Variants in RPGRIP1L observed in about 807,000 individuals in gnomAD.
The protein encoded by RPGRIP1L is protein fantom.
Under a neutral mutation model 160.4 loss-of-function variants are expected in RPGRIP1L, and 131 were observed. The ratio of observed to expected loss-of-function variants is 0.82; its 90% CI spans 0.71 to 0.94. The LOEUF is 0.94. Among genes scored for constraint, RPGRIP1L ranks in the 40% least tolerant of loss-of-function variants. The probability of loss-of-function intolerance (pLI) is 0.00; values close to 1 mark genes in which losing one functional copy is unlikely to be tolerated. For missense variants in RPGRIP1L, 1,522 were observed against 1,535.8 expected (o/e 0.99, Z 0.15); for synonymous variants, 510 against 515.8 (o/e 0.99, Z 0.15).
At chr16:53,688,233 A>C (rs749725299) in intron 4 of RPGRIP1L, among the ~76,000 whole-genome samples, 34 of 152,036 alleles carry the variant, frequency 2.2e-4, no homozygotes, top group Middle Eastern at 3.2e-3. Context: ...TATTCAACTT[A>C]AGATTTAGAC....
chr16:53,619,304 C>T (rs891431466), intron 23 of RPGRIP1L, 96 bp from the exon 24 acceptor site: 30 of 1,144,404 alleles, frequency 2.6e-5, no homozygotes, highest in Admixed American at 5.4e-5. Flanking sequence ...AAATAAAACA[C>T]GAAGGCCAAT....
rs1323824759 is a variant in RPGRIP1L at position 53,601,372 on chromosome 16, A to C, written c.*704T>G. ...CTTTTTATATATACATCCCTGGGTCACCATTACAAATGTATGAAAATAATA... is the reference window on the plus strand; with the variant it reads ...CTTTTTATATATACATCCCTGGGTCCCCATTACAAATGTATGAAAATAATA... On this transcript the variant is annotated 3_prime_UTR_variant, in exon 27 of 27. Transcript: ENST00000647211. The C allele has an allele frequency of 6.6e-6, 1 of 152,538 alleles. No individual in the cohort carries two copies. Among genetic ancestry groups the C allele is most frequent in the Admixed American group, 6.5e-5 (1 of 15,278 alleles). The allele number at this position is 152,538 out of a possible 1,614,324, so 9.4% of individuals were successfully genotyped here. A position where few individuals can be genotyped will look rare whatever the true frequency, so the allele number is the denominator to read the frequency against.
chr16:53,637,925 C>CAGTTGAATAATAAATTGAATAATAA, intron 20 of RPGRIP1L, 71 bp from the exon 21 acceptor site: 3 of 1,450,334 alleles, frequency 2.1e-6, no homozygotes, highest in Non-Finnish European at 2.9e-6. Context: ...ATTGCTGGAA[C>CAGTTGAATAATAAATTGAATAATAA]AGTTGAATAA....
chr16:53,663,077 T>C (rs917063227), intron 10 of RPGRIP1L, among the ~76,000 whole-genome samples: 2 of 151,920 alleles, frequency 1.3e-5, no homozygotes, highest in African/African-American at 2.4e-5. Context: ...TGAAAGGACA[T>C]AAATCAAATA....
chr16:53,640,886 C>A, intron 19 of RPGRIP1L, 147 bp downstream of exon 19: 2 of 708,852 alleles, frequency 2.8e-6, no homozygotes, highest in South Asian at 1.6e-5. Context: ...ATATATAGTG[C>A]CGAAACACAA....
intron 22 of RPGRIP1L, among the ~76,000 whole-genome samples, chr16:53,625,522 G>A (rs1302048590): frequency 6.7e-6 from 1 of 148,484 alleles, no homozygotes; most frequent in Non-Finnish European, 1.5e-5. Context: ...TAGGGGGTGA[G>A]GGGGGGGCGC....
chr16:53,652,408 TA>T, intron 15 of RPGRIP1L, 126 bp downstream of exon 15: 1 of 751,492 alleles, frequency 1.3e-6, no homozygotes, highest in Non-Finnish European at 2.3e-6. Flanking sequence ...TAACTGTGGG[TA>T]AAGAATGTTG....
Position 53,605,622 on chromosome 16 carries a change from G to A in RPGRIP1L, c.3702-8C>T. 6.2e-7 allele frequency: 1 copy of A among 1,613,834 alleles called. No homozygotes were observed. Among genetic ancestry groups the A allele is most frequent in the Non-Finnish European group, 8.5e-7 (1 of 1,180,008 alleles). On this transcript the variant is annotated splice_region_variant and splice_polypyrimidine_tract_variant and intron_variant, in intron 25 of 26. Coordinates refer to ENST00000647211, the MANE Select transcript of RPGRIP1L (RefSeq NM_015272.5). ...ACCACGGTGAAGCGAAGGCTGGTAA[G>A]GCAGAGATCAGAGAAAGTCACCACC...
chr16:53,659,939 C>T (rs1237906443), intron 10 of RPGRIP1L: 1 of 151,888 alleles, frequency 6.6e-6, no homozygotes, highest in Non-Finnish European at 1.5e-5. Flanking sequence ...ACTAATCAGT[C>T]GGAATGGACT....
At chr16:53,660,556 T>TA (rs766677969) in intron 10 of RPGRIP1L, among the ~76,000 whole-genome samples, 4 of 146,932 alleles carry the variant, frequency 2.7e-5, no homozygotes, top group Non-Finnish European at 4.5e-5. Flanking sequence ...AGTAAAAAAA[T>TA]AAAAAAATAA....
chr16:53,692,152 G>A lies in RPGRIP1L; in HGVS notation c.443C>T (p.Thr148Ile), dbSNP rs1301354988. ...ACGAGATTGTACATTATTGTATGGA[G>A]TTTGCCTGTAACCCTGGGTTTGAAG... ...QQLQTQGYRQ[T>I]PYNNVQSRIN... Residue 148 changes from threonine (T) to isoleucine (I), a missense_variant, in exon 4 of 27, where the codon ACT becomes ATT. Thr to Ile is a moderately conservative substitution (Grantham distance 89, BLOSUM62 -1). Transcript: ENST00000647211. The A allele has an allele frequency of 3.7e-6, 6 of 1,613,836 alleles. No homozygotes were observed. The South Asian group carries it at 5.5e-5, about 15-fold the overall frequency.
At chr16:53,663,077 T>G (rs917063227) in intron 10 of RPGRIP1L, among the ~76,000 whole-genome samples, 2 of 151,920 alleles carry the variant, frequency 1.3e-5, no homozygotes, top group African/African-American at 4.8e-5. Context: ...TGAAAGGACA[T>G]AAATCAAATA....
chr16:53,697,068 C>T (rs1326659012), intron 2 of RPGRIP1L, among the ~76,000 whole-genome samples: 1 of 152,072 alleles, frequency 6.6e-6, no homozygotes, highest in Non-Finnish European at 1.5e-5. Context: ...GTGGCGGACA[C>T]CTGTAGTCCC....
chr16:53,602,229 A>T, intron 26 of RPGRIP1L, 41 bp from the exon 27 acceptor site: 1 of 1,392,790 alleles, frequency 7.2e-7, no homozygotes, highest in Middle Eastern at 1.9e-4. Context: ...ATCATTCAAC[A>T]GATTTTTCTT....
At chr16:53,620,561 G>C (rs1418536523) in intron 23 of RPGRIP1L, among the ~76,000 whole-genome samples, 1 of 152,026 alleles carries the variant, frequency 6.6e-6, no homozygotes, top group Non-Finnish European at 1.5e-5. Flanking sequence ...AATATTTAAA[G>C]GAAAATTTTT....
chr16:53,687,802 A>T (rs955441885), intron 5 of RPGRIP1L, 61 bp downstream of exon 5: 9 of 698,432 alleles, frequency 1.3e-5, no homozygotes, highest in Admixed American at 1.2e-4. Context: ...AGGGAAGGAT[A>T]AAAAAAAAAG....
intron 2 of RPGRIP1L, among the ~76,000 whole-genome samples, chr16:53,698,366 T>TG (rs1308898351): frequency 2.0e-5 from 2 of 97,744 alleles, no homozygotes; most frequent in African/African-American, 4.6e-5. Context: ...GGGAGGGAGG[T>TG]GGGGGGTCAG....
At chr16:53,628,529 A>G (rs1473399295) in intron 22 of RPGRIP1L, 2 of 152,184 alleles carry the variant, frequency 1.3e-5, no homozygotes, top group African/African-American at 4.8e-5. Flanking sequence ...CACTCCTCAT[A>G]CAAGTTCTGA....
At chr16:53,662,816 A>T (rs1967919988) in intron 10 of RPGRIP1L, among the ~76,000 whole-genome samples, 1 of 152,044 alleles carries the variant, frequency 6.6e-6, no homozygotes, top group Admixed American at 6.6e-5. Flanking sequence ...AGTTCTAGCA[A>T]TTTTTCTTTA....
Sources: allele counts gnomAD v4.1 joint callset (sites outside exome capture counted in the v4.1 genomes callset), GRCh38; gene constraint gnomAD v4.1.1; transcripts MANE v1.5; gene names NCBI Gene and HGNC (gene_info 2026-07-23, HGNC 2026-07-21).